The following ATG7 variants were observed in gnomAD, a reference collection of about 807,000 sequenced individuals.
The protein encoded by ATG7 is autophagy related 7.
ATG7 carries 70 observed loss-of-function variants against 82.4 expected under a neutral mutation model. The observed-to-expected ratio is 0.85, with a 90% confidence interval of 0.70 to 1.04. ATG7 has a LOEUF of 1.04. Among genes scored for constraint, ATG7 ranks in the 50% least tolerant of loss-of-function variants. The pLI, the probability that ATG7 is intolerant of heterozygous loss-of-function variation, is 0.00. For missense variants in ATG7, 792 were observed against 864.3 expected, an observed-to-expected ratio of 0.92 and a Z score of 1.05; for synonymous variants, 287 against 313.0, an observed-to-expected ratio of 0.92 and a Z score of 0.88.
At chr3:11,482,325 T>C (rs2089096682) in intron 20 of ATG7, among the ~76,000 whole-genome samples, 1 of 152,208 alleles carries the variant, frequency 6.6e-6, no homozygotes, top group Non-Finnish European at 1.5e-5. Flanking sequence ...GTCCTCACCA[T>C]CTTACTCTTC....
chr3:11,514,996 A>G (rs1192509108), intron 20 of ATG7, among the ~76,000 whole-genome samples: 3 of 151,824 alleles, frequency 2.0e-5, no homozygotes, highest in Non-Finnish European at 4.4e-5. Context: ...GCGCACCACC[A>G]CACCCAGCTA....
chr3:11,496,670 A>T (rs2090857074), intron 20 of ATG7, among the ~76,000 whole-genome samples: 1 of 152,180 alleles, frequency 6.6e-6, no homozygotes, highest in Non-Finnish European at 1.5e-5. Flanking sequence ...GGGGTCCCAA[A>T]TACTGTCTCA....
intron 20 of ATG7, among the ~76,000 whole-genome samples, chr3:11,468,068 C>G (rs1490588750): frequency 6.6e-6 from 1 of 152,184 alleles, no homozygotes; most frequent in Non-Finnish European, 1.5e-5. Context: ...CACAGTTTGA[C>G]TTGTGACATC....
intron 19 of ATG7, among the ~76,000 whole-genome samples, chr3:11,410,841 A>G (rs1349521261): frequency 6.6e-6 from 1 of 152,154 alleles, no homozygotes; most frequent in Non-Finnish European, 1.5e-5. Context: ...TCCACATTTT[A>G]GCTATTGTGA....
chr3:11,541,545 T>C (rs2070836439), intron 20 of ATG7, among the ~76,000 whole-genome samples: 1 of 152,218 alleles, frequency 6.6e-6, no homozygotes, highest in Admixed American at 6.5e-5. Flanking sequence ...TGCCAGCACA[T>C]GCCTCCCTAG....
At chr3:11,449,623 C>CTT (rs2084913994) in intron 20 of ATG7, among the ~76,000 whole-genome samples, 1 of 152,142 alleles carries the variant, frequency 6.6e-6, no homozygotes, top group East Asian at 1.9e-4. Context: ...CTAAATCAAG[C>CTT]ATCAGATGAA....
downstream of ATG7, among the ~76,000 whole-genome samples, chr3:11,561,561 G>A (rs2125111771): frequency 6.6e-6 from 1 of 152,284 alleles, no homozygotes; most frequent in Non-Finnish European, 1.5e-5. Flanking sequence ...CTGGAGTCAG[G>A]CATCTTGCCC....
rs577325784 is a variant in ATG7 at position 11,554,907 on chromosome 3, G to A, written c.*64G>A. On this transcript the variant is annotated 3_prime_UTR_variant, in exon 21 of 21. Transcript: ENST00000693202. Reference sequence around the variant, plus strand: ...TGCTGAGGAGCTCTCCATCGCCAGAGCAGGACTGCTGACCCCAGGCCTGGT... The same window carrying A: ...TGCTGAGGAGCTCTCCATCGCCAGAACAGGACTGCTGACCCCAGGCCTGGT... The A allele has an allele frequency of 5.1e-6, 8 of 1,582,672 alleles. No individual in the cohort carries two copies. The highest frequency in any genetic ancestry group is 3.5e-5 in the Admixed American group (2 of 57,830).
intron 3 of ATG7, among the ~76,000 whole-genome samples, chr3:11,298,172 C>T (rs1457876798): frequency 6.6e-6 from 1 of 150,670 alleles, no homozygotes; most frequent in South Asian, 2.1e-4. Flanking sequence ...GAGACTCCAT[C>T]TCAATTAAAA....
rs1008445686 is a variant in ATG7, at chr3:11,404,824, G to A, written c.1957-21980G>A. Among the ~76,000 whole-genome samples, 8 of 152,140 alleles carry A rather than the reference G, an allele frequency of 5.3e-5. 1 individual carries two copies. Among genetic ancestry groups the A allele is most frequent in the African/African-American group, 2.4e-5 (1 of 41,486 alleles). On this transcript the variant is annotated intron_variant, in intron 19 of 20. Transcript: ENST00000693202. ...TCCCTTTATAAAACCATCAGATCTC[G>A]TGAGACTTATTCACTATCATGAGAA...
intron 11 of ATG7, 55 bp downstream of exon 11, chr3:11,333,148 C>T (rs2152757333): frequency 6.8e-7 from 1 of 1,481,048 alleles, no homozygotes; most frequent in South Asian, 1.4e-5. Context: ...GAAACGGAAC[C>T]AGGTTTACTT....
At chr3:11,482,463 G>A (rs905467363) in intron 20 of ATG7, among the ~76,000 whole-genome samples, 5 of 152,134 alleles carry the variant, frequency 3.3e-5, no homozygotes, top group African/African-American at 1.2e-4. Context: ...TGGGTACTTT[G>A]GCCTGCTGAC....
Position 11,306,967 on chromosome 3 carries a change from C to G in ATG7, c.240C>G (p.Cys80Trp). ...GGAGTGCTCCCACCCCAGCCCGTTG[C>G]TGCCCAGCTATTGGAACACTGTATA... ...FDMSAPTPAR[C>W]CPAIGTLYNT... is the part of the protein sequence containing the mutation. The change falls in exon 6 of 21, where the codon TGC (cysteine) becomes TGG (tryptophan). Residue 80 changes from cysteine (C) to tryptophan (W), a missense_variant. By Grantham distance (215) the Cys-to-Trp change is radical. Coordinates refer to ENST00000693202, the MANE Select transcript of ATG7 (RefSeq NM_001349232.2). 5.0e-6 allele frequency: 8 copies of G among 1,614,056 alleles called. No individual in the cohort carries two copies. Among genetic ancestry groups the G allele is most frequent in the Non-Finnish European group, 6.8e-6 (8 of 1,179,962 alleles).
intron 20 of ATG7, among the ~76,000 whole-genome samples, chr3:11,486,879 C>T (rs1396274373): frequency 3.5e-5 from 5 of 141,892 alleles, no homozygotes; most frequent in Non-Finnish European, 6.0e-5. Context: ...GTGTTTCTCA[C>T]AGAGGGGGAT....
In ATG7 at chr3:11,378,027, A is replaced by AATTTTTTTTTTTTTT. The variant is rs2077556246; in HGVS notation, c.1876-1945_1876-1944insATTTTTTTTTTTTTT. On this transcript the variant is annotated intron_variant, in intron 18 of 20. Transcript: ENST00000693202. ...GCTATCTAACTTATACCAGTTACCA[A>AATTTTTTTTTTTTTT]TTTTTTTTTTTTTTTTTTGAGATGG... Among the ~76,000 whole-genome samples, 6 of 92,730 alleles carry AATTTTTTTTTTTTTT rather than the reference A, an allele frequency of 6.5e-5. No homozygotes were observed. In the South Asian group the frequency reaches 2.7e-3, roughly 42 times the overall value. 60.8% of individuals were successfully genotyped at this position (92,730 alleles called of 152,430 possible).
intron 20 of ATG7, among the ~76,000 whole-genome samples, chr3:11,499,760 AAAAG>A (rs1376515926): frequency 1.3e-5 from 2 of 151,800 alleles, no homozygotes; most frequent in African/African-American, 2.4e-5. Flanking sequence ...AAAAAAAAAA[AAAAG>A]AAACAAAAAA....
chr3:11,541,762 A>G (rs2070854751), intron 20 of ATG7, among the ~76,000 whole-genome samples: 1 of 152,200 alleles, frequency 6.6e-6, no homozygotes, highest in Non-Finnish European at 1.5e-5. Flanking sequence ...TGAGGTAGAG[A>G]ACAAACATGT....
intron 20 of ATG7, among the ~76,000 whole-genome samples, chr3:11,549,221 TATG>T (rs1276881934): frequency 6.6e-6 from 1 of 152,246 alleles, no homozygotes; most frequent in Admixed American, 6.5e-5. Flanking sequence ...AAATATGAAG[TATG>T]ATGTCTTCTG....
the ATG7 span, chr3:11,564,925 C>G: frequency 6.3e-6 from 10 of 1,591,712 alleles, no homozygotes; most frequent in Non-Finnish European, 8.6e-6. Context: ...AGGTGGCTGC[C>G]GTGCAGGCTC....
Sources: allele counts gnomAD v4.1 joint callset (sites outside exome capture counted in the v4.1 genomes callset), GRCh38; gene constraint gnomAD v4.1.1; transcripts MANE v1.5; gene names NCBI Gene and HGNC (gene_info 2026-07-23, HGNC 2026-07-21).